Variants in PTPRT observed in about 807,000 individuals in gnomAD.
PTPRT encodes the protein receptor-type tyrosine-protein phosphatase T.
A neutral mutation model predicts 176.8 loss-of-function variants in PTPRT; 56 were observed. The observed-to-expected ratio is 0.32, with a 90% CI of 0.26 to 0.40. PTPRT has a LOEUF of 0.40. Ranked by LOEUF, PTPRT falls within the 10% of genes least tolerant of loss-of-function variation. The pLI is 1.00. For synonymous variants in PTPRT, 783 were observed against 739.0 expected, an observed-to-expected ratio of 1.06 and a Z score of -0.96; for missense variants, 1,540 against 1,908.2, an observed-to-expected ratio of 0.81 and a Z score of 3.60.
chr20:43,083,084 A>G (rs947958745), intron 1 of PTPRT, among the ~76,000 whole-genome samples: 8 of 151,930 alleles, frequency 5.3e-5, no homozygotes, highest in Non-Finnish European at 1.2e-4. Context: ...GCGCCCGAAT[A>G]AAGCCCTCTT....
intron 12 of PTPRT, among the ~76,000 whole-genome samples, chr20:42,297,470 A>G (rs1230919680): frequency 2.0e-5 from 3 of 152,186 alleles, no homozygotes; most frequent in Non-Finnish European, 4.4e-5. Flanking sequence ...CACTCTAATT[A>G]ATGTATAAAT....
At chr20:42,387,344 AG>A (rs2058754579) in intron 9 of PTPRT, among the ~76,000 whole-genome samples, 1 of 152,222 alleles carries the variant, frequency 6.6e-6, no homozygotes, top group South Asian at 2.1e-4. Flanking sequence ...GCTTTAGGCC[AG>A]ACCTGCTTTT....
chr20:42,271,633 C>T (rs2056937286), intron 13 of PTPRT, among the ~76,000 whole-genome samples: 1 of 152,180 alleles, frequency 6.6e-6, no homozygotes, highest in Admixed American at 6.5e-5. Context: ...AATGTTGAAT[C>T]ATAGAATTTG....
intron 9 of PTPRT, among the ~76,000 whole-genome samples, chr20:42,366,410 G>C (rs926264489): frequency 6.6e-6 from 1 of 152,216 alleles, no homozygotes; most frequent in African/African-American, 2.4e-5. Context: ...CTCAGCTTCT[G>C]AGAGATTCTG....
At chr20:42,117,368 T>C (rs888509277) in intron 21 of PTPRT, among the ~76,000 whole-genome samples, 1 of 152,192 alleles carries the variant, frequency 6.6e-6, no homozygotes, top group Non-Finnish European at 1.5e-5. Flanking sequence ...AATTCTCGTG[T>C]TTGTACACCT....
intron 8 of PTPRT, among the ~76,000 whole-genome samples, chr20:42,456,176 T>C (rs983378401): frequency 1.4e-4 from 22 of 152,044 alleles, no homozygotes; most frequent in Admixed American, 1.3e-4. Flanking sequence ...TTGTACATAA[T>C]GTCTTTAAGA....
intron 7 of PTPRT, among the ~76,000 whole-genome samples, chr20:42,556,021 A>G (rs2072855220): frequency 6.6e-6 from 1 of 152,236 alleles, no homozygotes. Flanking sequence ...GGAAAGAGAT[A>G]AGATGATAAA....
At chr20:43,023,909 C>A (rs1985808688) in intron 1 of PTPRT, among the ~76,000 whole-genome samples, 2 of 152,168 alleles carry the variant, frequency 1.3e-5, no homozygotes, top group South Asian at 2.1e-4. Flanking sequence ...GTAAATATAG[C>A]TTTGTGTGCT....
intron 6 of PTPRT, among the ~76,000 whole-genome samples, chr20:42,745,202 C>A (rs1353411450): frequency 1.3e-5 from 2 of 152,340 alleles, no homozygotes; most frequent in East Asian, 3.9e-4. Context: ...AGTGGAACCA[C>A]TTCTTCACAG....
chr20:42,746,492 G>T (rs1403046446), intron 6 of PTPRT, among the ~76,000 whole-genome samples: 1 of 152,046 alleles, frequency 6.6e-6, no homozygotes, highest in African/African-American at 2.4e-5. Context: ...ATCTAGGGGA[G>T]CCGGCATTAT....
At chr20:42,872,917 C>T (rs1234490519) in intron 2 of PTPRT, among the ~76,000 whole-genome samples, 1 of 152,130 alleles carries the variant, frequency 6.6e-6, no homozygotes, top group Non-Finnish European at 1.5e-5. Flanking sequence ...AGCCACTAGG[C>T]AGAAGGCCAT....
At chr20:42,903,470 G>A (rs1184226023) in intron 1 of PTPRT, among the ~76,000 whole-genome samples, 1 of 152,178 alleles carries the variant, frequency 6.6e-6, no homozygotes, top group Non-Finnish European at 1.5e-5. Flanking sequence ...AAAGACTAGG[G>A]TTCCATACAG....
At chr20:42,780,115 G>A (rs778904222) in intron 4 of PTPRT, 103 bp downstream of exon 4, 16 of 915,776 alleles carry the variant, frequency 1.7e-5, no homozygotes, top group Non-Finnish European at 2.9e-5. Flanking sequence ...GAAAGAGAGA[G>A]TGAGAGATGT....
intron 6 of PTPRT, among the ~76,000 whole-genome samples, chr20:42,714,159 A>T (rs1461873062): frequency 6.6e-6 from 1 of 152,110 alleles, no homozygotes; most frequent in African/African-American, 2.4e-5. Flanking sequence ...GTTCAAAAAG[A>T]GCTATGGGAT....
intron 2 of PTPRT, among the ~76,000 whole-genome samples, chr20:42,822,460 C>T (rs940747697): frequency 4.6e-5 from 7 of 152,032 alleles, no homozygotes; most frequent in African/African-American, 1.7e-4. Flanking sequence ...AGAAGAAAAC[C>T]TAGGCAATAC....
intron 2 of PTPRT, among the ~76,000 whole-genome samples, chr20:42,793,924 T>C (rs995103537): frequency 5.3e-5 from 8 of 152,070 alleles, no homozygotes; most frequent in Non-Finnish European, 8.8e-5. Flanking sequence ...AAAGTGTCTC[T>C]CTCCTCTCTG....
At chr20:43,179,127 A>G (rs1173946238) in intron 1 of PTPRT, among the ~76,000 whole-genome samples, 7 of 152,220 alleles carry the variant, frequency 4.6e-5, no homozygotes, top group Non-Finnish European at 8.8e-5. Flanking sequence ...AGATTCTGAC[A>G]AAACATCCTT....
downstream of PTPRT, among the ~76,000 whole-genome samples, chr20:42,069,165 A>AC (rs113210932): frequency 6.6e-5 from 10 of 152,342 alleles, no homozygotes; most frequent in African/African-American, 2.4e-4. Flanking sequence ...CTTGCAGAGA[A>AC]CCATGTAGCT....
intron 1 of PTPRT, among the ~76,000 whole-genome samples, chr20:43,120,661 G>A (rs1033849758): frequency 6.6e-6 from 1 of 152,128 alleles, no homozygotes; most frequent in South Asian, 2.1e-4. Context: ...GTTGCTGCAC[G>A]TGTGTGTGTC....
Sources: gnomAD v4.1 joint callset for allele counts (sites outside exome capture counted in the v4.1 genomes callset) on GRCh38, gnomAD v4.1.1 for gene constraint, MANE v1.5 for transcripts, NCBI Gene and HGNC (gene_info 2026-07-23, HGNC 2026-07-21) for gene names.